Variants in NXN observed in about 807,000 individuals in gnomAD.
NXN encodes the protein nucleoredoxin 1.
NXN carries 16 observed loss-of-function variants against 48.6 expected under a neutral mutation model. The observed-to-expected ratio is 0.33, with a 90% CI of 0.22 to 0.50. The LOEUF is 0.50. Among genes scored for constraint, NXN ranks in the 20% least tolerant of loss-of-function variants. The probability of loss-of-function intolerance (pLI) is 0.98; values close to 1 mark genes in which losing one functional copy is unlikely to be tolerated. For synonymous variants in NXN, 281 were observed against 269.6 expected, an observed-to-expected ratio of 1.04 and a Z score of -0.41; for missense variants, 492 against 605.5, an observed-to-expected ratio of 0.81 and a Z score of 1.97.
At position 805,107 on chromosome 17, in the gene NXN, C is replaced by T. The variant is rs200704586; in HGVS notation, c.961G>A (p.Ala321Thr). The part of the protein sequence containing the change: ...PVLELSDSNA[A>T]QLNEGPCLVL... ...AGGCAGGGGCCCTCGTTAAGCTGCGCGGCGTTGGAGTCGGAGAGCTCCAGC... is the reference window on the plus strand; with the variant it reads ...AGGCAGGGGCCCTCGTTAAGCTGCGTGGCGTTGGAGTCGGAGAGCTCCAGC... Residue 321 changes from alanine to threonine, a missense_variant, in exon 6 of 8, where the codon GCG (alanine) becomes ACG (threonine). Coordinates refer to ENST00000336868, the MANE Select transcript of NXN (RefSeq NM_022463.5). 33 of 1,609,294 alleles carry T rather than the reference C, an allele frequency of 2.1e-5. No homozygotes were observed. Among genetic ancestry groups the T allele is most frequent in the African/African-American group, 1.9e-4 (14 of 74,990 alleles).
intron 1 of NXN, among the ~76,000 whole-genome samples, chr17:886,342 GACTAAAGGGTTTTGCTCTT>G (rs1363375325): frequency 6.6e-6 from 1 of 152,124 alleles, no homozygotes; most frequent in Non-Finnish European, 1.5e-5. Flanking sequence ...ATCCAAGCTG[GACTAAAGGGTTTTGCTCTT>G]ACCGAGCCAG....
At chr17:930,516 G>C (rs2068842540) in intron 1 of NXN, 2 of 152,032 alleles carry the variant, frequency 1.3e-5, no homozygotes, top group Admixed American at 1.3e-4. Context: ...TTGACTGGCT[G>C]ATTTTCAACT....
chr17:927,942 A>G (rs931976409), intron 1 of NXN, among the ~76,000 whole-genome samples: 21 of 151,890 alleles, frequency 1.4e-4, no homozygotes, highest in African/African-American at 4.6e-4. Flanking sequence ...AACAAAGTCA[A>G]CCTCTCTGAG....
Position 951,095 on chromosome 17 carries a change from G to C in NXN, c.360+28224C>G, listed in dbSNP as rs374815793. Among the ~76,000 whole-genome samples the C allele has an allele frequency of 1.8e-4, 27 of 149,650 alleles. No homozygotes were observed. In the Middle Eastern group the frequency reaches 0.011, roughly 59 times the overall value. On this transcript the variant is annotated intron_variant, in intron 1 of 7. Coordinates refer to ENST00000336868, the MANE Select transcript of NXN (RefSeq NM_022463.5). Reference sequence around the variant, plus strand: ...CTCACGCCTGTAATCCCAGCACTTTGGGAGGCCGAGGCTGGCAGATCTTTT... The same window carrying C: ...CTCACGCCTGTAATCCCAGCACTTTCGGAGGCCGAGGCTGGCAGATCTTTT...
chr17:947,976 G>A (rs139940499), intron 1 of NXN, among the ~76,000 whole-genome samples: 1,931 of 151,326 alleles, frequency 0.013, 49 homozygotes, highest in African/African-American at 0.043. Context: ...GCTTAAACCC[G>A]GGAGGCGGAG....
chr17:811,986 G>GCT (rs1555609176), intron 5 of NXN, among the ~76,000 whole-genome samples: 16 of 142,176 alleles, frequency 1.1e-4, no homozygotes, highest in Admixed American at 2.9e-4. Flanking sequence ...GGAGTGCAGT[G>GCT]GCAAGATCTC....
rs117282580 is a variant in NXN, at chr17:891,057, G to A, written c.361-64979C>T. Among the ~76,000 whole-genome samples the A allele has an allele frequency of 1.1e-3, 169 of 151,924 alleles. 2 individuals are homozygous for A. In the East Asian group the frequency reaches 0.031, roughly 28 times the overall value. ...TGTCTGTCTATCTATCTATCTATCC[G>A]TCTGTCCACCCATCCGTCTGTCCGT... is the stretch of plus-strand genomic sequence containing the variant. On this transcript the variant is annotated intron_variant, in intron 1 of 7. Transcript: ENST00000336868.
rs5818770 is a variant in NXN at position 836,963 on chromosome 17, CTATTAT to C, written c.361-10891_361-10886del. On this transcript the variant is annotated intron_variant, in intron 1 of 7. Transcript: ENST00000336868. The stretch of plus-strand genomic sequence containing the variant: ...TGAGCCACCACACCTAGCTTAGTTG[CTATTAT>C]TATTATTATTATTATTATTATTTTC... Among the ~76,000 whole-genome samples, 298 of 144,914 alleles carry C rather than the reference CTATTAT, an allele frequency of 2.1e-3. 2 individuals are homozygous for C. Among genetic ancestry groups the C allele is most frequent in the African/African-American group, 6.6e-3 (256 of 38,652 alleles).
intron 4 of NXN, among the ~76,000 whole-genome samples, chr17:819,888 G>A (rs1912726575): frequency 6.6e-6 from 1 of 152,124 alleles, no homozygotes; most frequent in African/African-American, 2.4e-5. Flanking sequence ...GCATACCCGC[G>A]GGAGTTCTAA....
At chr17:818,613 C>G (rs1431006608) in intron 5 of NXN, among the ~76,000 whole-genome samples, 1 of 152,144 alleles carries the variant, frequency 6.6e-6, no homozygotes, top group Non-Finnish European at 1.5e-5. Flanking sequence ...GGGCCGGGTG[C>G]AGTGGCTCAC....
chr17:963,785 A>G (rs2069267541), intron 1 of NXN, among the ~76,000 whole-genome samples: 1 of 151,974 alleles, frequency 6.6e-6, no homozygotes, highest in Non-Finnish European at 1.5e-5. Flanking sequence ...CAGTTAATAA[A>G]TAAAATGCTG....
intron 1 of NXN, among the ~76,000 whole-genome samples, chr17:887,606 A>G (rs1282538470): frequency 6.6e-6 from 1 of 152,158 alleles, no homozygotes; most frequent in African/African-American, 2.4e-5. Flanking sequence ...CCATAAGGTA[A>G]ACAAATACAA....
intron 1 of NXN, chr17:930,238 C>T (rs2068840047): frequency 6.6e-6 from 1 of 152,132 alleles, no homozygotes; most frequent in South Asian, 2.1e-4. Flanking sequence ...AGTTCAAAAC[C>T]AGCCTGGCCA....
In NXN at chr17:823,712, A is replaced by G. The variant is rs775616902; in HGVS notation, c.532T>C (p.Leu178=). 4 of 1,614,154 alleles carry G rather than the reference A, an allele frequency of 2.5e-6. No individual in the cohort carries two copies. Among genetic ancestry groups the G allele is most frequent in the Non-Finnish European group, 3.4e-6 (4 of 1,180,000 alleles). ...KPFREVIAGP[L]LRNNGQSLES... is the part of the protein sequence containing the mutation. ...AGAGACTGCCCATTGTTTCTAAGCA[A>G]GGGCCCTGCAATGACTTCCCTGAAG... is the stretch of plus-strand genomic sequence containing the variant. Residue 178 remains leucine, a synonymous_variant, in exon 3 of 8, where the codon TTG becomes CTG. Coordinates refer to ENST00000336868, the MANE Select transcript of NXN (RefSeq NM_022463.5).
At chr17:887,461 T>C (rs1254519727) in intron 1 of NXN, among the ~76,000 whole-genome samples, 5 of 152,140 alleles carry the variant, frequency 3.3e-5, no homozygotes. Flanking sequence ...GAATACCTTC[T>C]TCTGCACCAC....
At chr17:885,967 C>T (rs1019472293) in intron 1 of NXN, among the ~76,000 whole-genome samples, 14 of 151,964 alleles carry the variant, frequency 9.2e-5, no homozygotes, top group Admixed American at 7.9e-4. Flanking sequence ...GGATTATAGG[C>T]GTGAGCCACC....
chr17:925,022 G>A (rs897219114), intron 1 of NXN, among the ~76,000 whole-genome samples: 3 of 152,232 alleles, frequency 2.0e-5, no homozygotes, highest in Non-Finnish European at 2.9e-5. Flanking sequence ...CCAGGGCCTT[G>A]GGAGCAGCCG....
At chr17:946,670 G>A (rs117331173) in intron 1 of NXN, among the ~76,000 whole-genome samples, 1,844 of 152,298 alleles carry the variant, frequency 0.012, 21 homozygotes, top group Non-Finnish European at 0.02. Flanking sequence ...TAGCCTCGGC[G>A]CCTCACAGGG....
chr17:943,187 T>C (rs2068999585), intron 1 of NXN, among the ~76,000 whole-genome samples: 1 of 152,202 alleles, frequency 6.6e-6, no homozygotes. Context: ...GCAGGCATCA[T>C]CATTCTCTCT....
Sources: allele counts gnomAD v4.1 joint callset (sites outside exome capture counted in the v4.1 genomes callset), GRCh38; gene constraint gnomAD v4.1.1; transcripts MANE v1.5; gene names NCBI Gene and HGNC (gene_info 2026-07-23, HGNC 2026-07-21).